The following EIF2B3 variants were observed in gnomAD, a reference collection of about 807,000 sequenced individuals.
EIF2B3 encodes the protein translation initiation factor eIF2B subunit gamma.
Under a neutral mutation model 54.1 loss-of-function variants are expected in EIF2B3, and 20 were observed. That is an observed-to-expected ratio of 0.37 (90% CI 0.26 to 0.54). EIF2B3 has a LOEUF of 0.54. Ranked by LOEUF, EIF2B3 falls within the 20% of genes least tolerant of loss-of-function variation. The pLI is 0.86. For synonymous variants in EIF2B3, 153 were observed against 188.1 expected (o/e 0.81, Z 1.52); for missense variants, 448 against 547.8 (o/e 0.82, Z 1.82).
chr1:44,947,042 T>C (rs1185879891), intron 3 of EIF2B3, among the ~76,000 whole-genome samples: 1 of 152,236 alleles, frequency 6.6e-6, no homozygotes, highest in Non-Finnish European at 1.5e-5. Flanking sequence ...CTTTGTTTCA[T>C]GGACCCACTT....
intron 6 of EIF2B3, among the ~76,000 whole-genome samples, chr1:44,888,473 ATCTCTCTCTCTC>A (rs3044260): frequency 1.6e-4 from 23 of 144,528 alleles, no homozygotes; most frequent in South Asian, 4.5e-4. Flanking sequence ...TGGCTTCTCA[ATCTCTCTCTCTC>A]TCTCTCTCTC....
At chr1:44,934,456 C>T (rs1643925371) in intron 4 of EIF2B3, among the ~76,000 whole-genome samples, 1 of 151,708 alleles carries the variant, frequency 6.6e-6, no homozygotes, top group African/African-American at 2.4e-5. Context: ...TTTCAAGTCA[C>T]TTTATTTTTA....
At chr1:44,876,028 C>T (rs1655122741) in intron 8 of EIF2B3, among the ~76,000 whole-genome samples, 1 of 152,228 alleles carries the variant, frequency 6.6e-6, no homozygotes, top group Non-Finnish European at 1.5e-5. Context: ...GCGAGTGATC[C>T]GCCAGCCTCG....
At chr1:44,907,132 A>C (rs1293438749) in intron 5 of EIF2B3, among the ~76,000 whole-genome samples, 1 of 152,164 alleles carries the variant, frequency 6.6e-6, no homozygotes, top group Non-Finnish European at 1.5e-5. Context: ...ATTACTTCTT[A>C]CCTGGATTAC....
intron 3 of EIF2B3, among the ~76,000 whole-genome samples, chr1:44,963,691 A>G (rs1453494558): frequency 2.6e-5 from 4 of 152,158 alleles, no homozygotes; most frequent in Non-Finnish European, 5.9e-5. Flanking sequence ...CATAAATTGT[A>G]CTGCACCTTT....
At position 44,953,966 on chromosome 1, in the gene EIF2B3, C is replaced by T. The variant is rs7529221; in HGVS notation, c.295-12301G>A. ...CAGACCTAAATCAGAGATTTAGAAACGCTAAAAAATTTTTAAAAAGCAAAG... is the reference window on the plus strand; with the variant it reads ...CAGACCTAAATCAGAGATTTAGAAATGCTAAAAAATTTTTAAAAAGCAAAG... On this transcript the variant is annotated intron_variant, in intron 3 of 11. Coordinates refer to ENST00000360403, the MANE Select transcript of EIF2B3 (RefSeq NM_020365.5). Among the ~76,000 whole-genome samples the T allele has an allele frequency of 1.9e-4, 29 of 151,900 alleles. No individual in the cohort carries two copies. In the South Asian group the frequency reaches 4.4e-3, roughly 23 times the overall value.
At chr1:44,897,934 C>A (rs539383648) in intron 5 of EIF2B3, among the ~76,000 whole-genome samples, 34 of 152,010 alleles carry the variant, frequency 2.2e-4, no homozygotes, top group African/African-American at 8.0e-4. Context: ...TGGGGTTTCA[C>A]CATGTTGGCC....
chr1:44,966,298 G>C (rs1351172457), intron 3 of EIF2B3, among the ~76,000 whole-genome samples: 5 of 152,104 alleles, frequency 3.3e-5, no homozygotes. Flanking sequence ...AATTGGCCAG[G>C]CGTGGTGGCG....
intron 3 of EIF2B3, among the ~76,000 whole-genome samples, chr1:44,963,282 T>C (rs1569852886): frequency 6.6e-6 from 1 of 151,608 alleles, no homozygotes; most frequent in East Asian, 1.9e-4. Context: ...GGAAATCTTT[T>C]TTTTTTTTGA....
chr1:44,962,204 A>ATCATCAT (rs1553179559), intron 3 of EIF2B3, among the ~76,000 whole-genome samples: 44 of 146,334 alleles, frequency 3.0e-4, no homozygotes, highest in African/African-American at 8.8e-4. Context: ...ATCATCATCA[A>ATCATCAT]CATCATCATC....
At chr1:44,900,389 G>T (rs1365581439) in intron 5 of EIF2B3, among the ~76,000 whole-genome samples, 1 of 134,824 alleles carries the variant, frequency 7.4e-6, no homozygotes, top group Non-Finnish European at 1.5e-5. Context: ...AGAGGTTGCA[G>T]TTAGCTGATA....
At chr1:44,877,711 TG>T (rs1655241705) in intron 8 of EIF2B3, among the ~76,000 whole-genome samples, 1 of 152,176 alleles carries the variant, frequency 6.6e-6, no homozygotes, top group Non-Finnish European at 1.5e-5. Flanking sequence ...GTTAGAGGTA[TG>T]GGGGGCTTTG....
chr1:44,854,549 A>G (rs1182042727), intron 11 of EIF2B3, among the ~76,000 whole-genome samples: 2 of 151,176 alleles, frequency 1.3e-5, no homozygotes, highest in African/African-American at 4.9e-5. Flanking sequence ...ACTCTGGAGC[A>G]TGAAAATGAT....
chr1:44,985,388 A>C (rs1168303967), intron 1 of EIF2B3, among the ~76,000 whole-genome samples: 1 of 99,804 alleles, frequency 1.0e-5, no homozygotes, highest in Non-Finnish European at 1.9e-5. Flanking sequence ...TGCCATGTGC[A>C]GATTCTCTTA....
rs113470749 is a variant in EIF2B3 at position 44,962,204 on chromosome 1, A to ACATCATCATCATCAT, written c.294+16096_294+16110dup. Among the ~76,000 whole-genome samples, 1,382 of 146,376 alleles carry ACATCATCATCATCAT rather than the reference A, an allele frequency of 9.4e-3. 27 individuals carry two copies. The highest frequency in any genetic ancestry group is 0.032 in the African/African-American group (1,273 of 39,690). ...CGAAACTCCGTCTCAATCATCATCA[A>ACATCATCATCATCAT]CATCATCATCATCATCATCATCATC... On this transcript the variant is annotated intron_variant, in intron 3 of 11. Transcript: ENST00000360403.
At chr1:44,943,553 G>A (rs940491021) in intron 3 of EIF2B3, among the ~76,000 whole-genome samples, 3 of 151,716 alleles carry the variant, frequency 2.0e-5, no homozygotes, top group African/African-American at 4.8e-5. Context: ...CCTAGTAGCT[G>A]GGACTACAGG....
intron 5 of EIF2B3, among the ~76,000 whole-genome samples, chr1:44,924,122 A>C (rs1024688559): frequency 4.6e-5 from 7 of 151,582 alleles, no homozygotes; most frequent in Admixed American, 6.6e-5. Context: ...TTGTATTTTT[A>C]GTAGAGACAG....
intron 3 of EIF2B3, among the ~76,000 whole-genome samples, chr1:44,971,834 C>A (rs547526468): frequency 3.7e-4 from 56 of 151,908 alleles, no homozygotes; most frequent in African/African-American, 1.3e-3. Context: ...AGTTTGAGAC[C>A]AACCTGGCCA....
intron 1 of EIF2B3, among the ~76,000 whole-genome samples, chr1:44,982,458 C>T (rs2148966538): frequency 6.6e-6 from 1 of 152,182 alleles, no homozygotes; most frequent in African/African-American, 2.4e-5. Flanking sequence ...GCCACCATGC[C>T]TGGCTAATTT....
Sources: allele counts gnomAD v4.1 joint callset (sites outside exome capture counted in the v4.1 genomes callset), GRCh38; gene constraint gnomAD v4.1.1; transcripts MANE v1.5; gene names NCBI Gene and HGNC (gene_info 2026-07-23, HGNC 2026-07-21).